LRRCC1: variants seen among roughly 807,000 people sequenced by gnomAD.
LRRCC1 encodes the protein leucine-rich repeat and coiled-coil domain-containing protein 1.
LRRCC1 carries 115 observed loss-of-function variants against 126.0 expected under a neutral mutation model. The ratio of observed to expected loss-of-function variants is 0.91; its 90% CI spans 0.78 to 1.07. The LOEUF (loss-of-function observed/expected upper bound fraction) is 1.07, where lower values mean the gene tolerates loss of function less well. LRRCC1 is among the 50% of genes least tolerant of loss of function. The pLI is 0.00. For missense variants in LRRCC1, 1,172 were observed against 1,175.7 expected (o/e 1.00, Z 0.05); for synonymous variants, 400 against 393.4 (o/e 1.02, Z -0.20).
chr8:85,110,624 A>T (rs1324737257), intron 3 of LRRCC1, among the ~76,000 whole-genome samples: 2 of 152,226 alleles, frequency 1.3e-5, no homozygotes, highest in Non-Finnish European at 2.9e-5. Context: ...AATTTTATTT[A>T]ATTTTAATTT....
rs1808344641 is a variant in LRRCC1, at chr8:85,107,603, C to T, written c.104+204C>T. ...AATGAGCCGTGGATGCCTTCCCGCCCGTGTCTCCTGCCCAGCGTTTCACAC... is the reference window on the plus strand; with the variant it reads ...AATGAGCCGTGGATGCCTTCCCGCCTGTGTCTCCTGCCCAGCGTTTCACAC... On this transcript the variant is annotated intron_variant, in intron 1 of 18. Transcript: ENST00000360375. 1.5e-5 allele frequency: 7 copies of T among 458,708 alleles called. 1 individual carries two copies. The South Asian group carries it at 2.4e-4, about 16-fold the overall frequency. 28.4% of individuals were successfully genotyped at this position (458,708 alleles called of 1,614,324 possible).
chr8:85,125,254 C>T (rs566766226), intron 8 of LRRCC1, among the ~76,000 whole-genome samples: 10 of 152,146 alleles, frequency 6.6e-5, no homozygotes, highest in Admixed American at 4.6e-4. Context: ...AGACCCTTTT[C>T]AGTATCTAAA....
At position 85,115,412 on chromosome 8, in the gene LRRCC1, A is replaced by G; in HGVS notation, c.758A>G (p.Asp253Gly). ...DRMPVITAPI[D>G]ELVPLEQFAS... ...ATGCCAGTGATAACAGCACCTATCG[A>G]TGAGTTAGTTCCCTTGGAACAGTTT... is the stretch of plus-strand genomic sequence containing the variant. Residue 253 changes from aspartate (D) to glycine (G), a missense_variant, in exon 6 of 19, where the codon GAT becomes GGT. By Grantham distance (94) the Asp-to-Gly change is moderately conservative. Coordinates refer to ENST00000360375, the MANE Select transcript of LRRCC1 (RefSeq NM_033402.5). The G allele has an allele frequency of 6.2e-7, 1 of 1,613,830 alleles. No individual in the cohort carries two copies. Among genetic ancestry groups the G allele is most frequent in the Non-Finnish European group, 8.5e-7 (1 of 1,179,780 alleles).
intron 17 of LRRCC1, among the ~76,000 whole-genome samples, chr8:85,139,974 C>T (rs1811151914): frequency 6.6e-6 from 1 of 152,160 alleles, no homozygotes; most frequent in Non-Finnish European, 1.5e-5. Context: ...CAACCAAGTA[C>T]TAATACAAGA....
At chr8:85,112,757 T>G (rs1226344205) in intron 3 of LRRCC1, among the ~76,000 whole-genome samples, 175 bp from the exon 4 acceptor site, 1 of 152,238 alleles carries the variant, frequency 6.6e-6, no homozygotes, top group East Asian at 1.9e-4. Flanking sequence ...AACTTCTGTT[T>G]CTTCAAAGCA....
rs1809740781 is a variant in LRRCC1 at position 85,123,600 on chromosome 8, T to C, written c.1118T>C (p.Phe373Ser). ...CACCACAATAAAAACTACAACTCTT[T>C]TGTAAGGTACTTGTTTTAGTTTTAG... ...IKHHNKNYNSFVSCNRKMKPP... is the reference protein window; with the variant it reads ...IKHHNKNYNSSVSCNRKMKPP... The change falls in exon 7 of 19, where the codon TTT becomes TCT. Residue 373 changes from phenylalanine (F) to serine (S), a missense_variant. Physicochemically the swap from Phe to Ser is radical, Grantham distance 155. Coordinates refer to ENST00000360375, the MANE Select transcript of LRRCC1 (RefSeq NM_033402.5). The C allele has an allele frequency of 1.3e-6, 2 of 1,571,792 alleles. No homozygotes were observed. Among genetic ancestry groups the C allele is most frequent in the Non-Finnish European group, 1.7e-6 (2 of 1,166,342 alleles).
chr8:85,108,053 A>T (rs2135903806), intron 1 of LRRCC1, among the ~76,000 whole-genome samples: 1 of 152,346 alleles, frequency 6.6e-6, no homozygotes, highest in South Asian at 2.1e-4. Context: ...CTCCACCTGC[A>T]TTTCAGGCTC....
Position 85,107,293 on chromosome 8 carries a change from G to C in LRRCC1, c.-3G>C, listed in dbSNP as rs928273730. 1.9e-6 allele frequency: 3 copies of C among 1,611,100 alleles called. No individual in the cohort carries two copies. The highest frequency in any genetic ancestry group is 2.7e-5 in the African/African-American group (2 of 74,910). ...TAAGACCCCGCTCCCCGTCGCCAGT[G>C]CTATGGAGGCGGCGGCGGCGGTGGT... On this transcript the variant is annotated 5_prime_UTR_variant, in exon 1 of 19. Transcript: ENST00000360375.
intron 4 of LRRCC1, 50 bp downstream of exon 4, chr8:85,113,149 T>C: frequency 7.0e-7 from 1 of 1,433,832 alleles, no homozygotes; most frequent in Non-Finnish European, 9.5e-7. Context: ...ATTGAGAGCT[T>C]CTTTATTTTC....
intron 18 of LRRCC1, 23 bp from the exon 19 acceptor site, chr8:85,145,366 G>A: frequency 1.4e-6 from 2 of 1,419,564 alleles, no homozygotes; most frequent in South Asian, 1.6e-5. Flanking sequence ...AAATTAAAAT[G>A]TAAAATTTAC....
chr8:85,121,479 T>C (rs557248056), intron 6 of LRRCC1, among the ~76,000 whole-genome samples: 521 of 152,308 alleles, frequency 3.4e-3, no homozygotes, highest in African/African-American at 0.012. Context: ...TTCATTCTTG[T>C]TGCCCAGGCT....
intron 11 of LRRCC1, 105 bp from the exon 12 acceptor site, chr8:85,131,655 A>G (rs1272090810): frequency 3.6e-6 from 3 of 833,860 alleles, no homozygotes; most frequent in Non-Finnish European, 5.5e-6. Flanking sequence ...CTGATACTGA[A>G]TTAACAATAC....
rs1006231301 is a variant in LRRCC1, at chr8:85,109,869, A to G, written c.310+69A>G. ...ATTTAGGTCCATTTTTTTCCCCAAA[A>G]GAATGGAATAAATATCAGAAACTCT... is the stretch of plus-strand genomic sequence containing the variant. On this transcript the variant is annotated intron_variant, in intron 2 of 18. Coordinates refer to ENST00000360375, the MANE Select transcript of LRRCC1 (RefSeq NM_033402.5). The G allele has an allele frequency of 4.5e-5, 35 of 781,178 alleles. No individual in the cohort carries two copies. The African/African-American group carries it at 5.3e-4, about 12-fold the overall frequency. The allele number at this position is 781,178 out of a possible 1,614,324, so 48.4% of individuals were successfully genotyped here.
In LRRCC1 at chr8:85,129,296, G is replaced by A. The variant is rs1285311023; in HGVS notation, c.1543G>A (p.Glu515Lys). 2.5e-6 allele frequency: 4 copies of A among 1,613,652 alleles called. No individual in the cohort carries two copies. Among genetic ancestry groups the A allele is most frequent in the Non-Finnish European group, 3.4e-6 (4 of 1,179,884 alleles). The change falls in exon 10 of 19, where the codon GAG becomes AAG. Residue 515 changes from glutamate to lysine, a missense_variant. Transcript: ENST00000360375. ...VELMKAKDQQ[E>K]DHLKHLRTLE... is the part of the protein sequence containing the mutation. ...ACTAATGAAAGCAAAAGATCAACAA[G>A]AGGATCACCTTAAACACTTAAGAAC...
At chr8:85,145,117 G>A (rs867001639) in intron 18 of LRRCC1, among the ~76,000 whole-genome samples, 3 of 143,328 alleles carry the variant, frequency 2.1e-5, no homozygotes, top group Non-Finnish European at 4.5e-5. Flanking sequence ...ATATATGTGT[G>A]TATATATATA....
In LRRCC1 at chr8:85,123,468, C is replaced by T. The variant is rs1404548924; in HGVS notation, c.986C>T (p.Thr329Ile). 7 of 1,607,174 alleles carry T rather than the reference C, an allele frequency of 4.4e-6. No individual in the cohort carries two copies. Among genetic ancestry groups the T allele is most frequent in the Non-Finnish European group, 4.2e-6 (5 of 1,178,026 alleles). Reference sequence around the variant, plus strand: ...AAAGACCCCAGACCAAAAAGAGACACAGATATAACTTCTGAAAGTGACTAT... The same window carrying T: ...AAAGACCCCAGACCAAAAAGAGACATAGATATAACTTCTGAAAGTGACTAT... ...LEKDPRPKRD[T>I]DITSESDYGN... The change falls in exon 7 of 19, where the codon ACA becomes ATA. Residue 329 changes from threonine (T) to isoleucine (I), a missense_variant. Coordinates refer to ENST00000360375, the MANE Select transcript of LRRCC1 (RefSeq NM_033402.5).
rs759233358 is a variant in LRRCC1 at position 85,135,938 on chromosome 8, A to AT, written c.2305dup (p.Trp769LeufsTer4). 2.5e-6 allele frequency: 4 copies of AT among 1,589,140 alleles called. No homozygotes were observed. Among genetic ancestry groups the AT allele is most frequent in the Non-Finnish European group, 3.4e-6 (4 of 1,167,660 alleles). On this transcript the variant is annotated frameshift_variant, in exon 14 of 19. Transcript: ENST00000360375. LOFTEE classifies it high-confidence loss of function. ...TTGGTTTAAGGACAGAAAGAAAAGT[A>AT]TGGGGACATGAGCTGGCACAACAAG...
In LRRCC1 at chr8:85,121,740, G is replaced by GT. The variant is rs557682332; in HGVS notation, c.931-1667dup. Among the ~76,000 whole-genome samples the GT allele has an allele frequency of 1.4e-4, 22 of 152,186 alleles. No individual in the cohort carries two copies. The East Asian group carries it at 3.3e-3, about 23-fold the overall frequency. On this transcript the variant is annotated intron_variant, in intron 6 of 18. Transcript: ENST00000360375. ...GAATTCAGTTTTAATTCATATGTTGGTTTTTTAGTCACAATTCTCTAGGTT... is the reference window on the plus strand; with the variant it reads ...GAATTCAGTTTTAATTCATATGTTGGTTTTTTTAGTCACAATTCTCTAGGTT...
chr8:85,136,904 C>T (rs1410222723), intron 14 of LRRCC1, among the ~76,000 whole-genome samples: 1 of 152,030 alleles, frequency 6.6e-6, no homozygotes, highest in Non-Finnish European at 1.5e-5. Flanking sequence ...CGGCTCACTA[C>T]AACTCCACCT....
Sources: gnomAD v4.1 joint callset for allele counts (sites outside exome capture counted in the v4.1 genomes callset) on GRCh38, gnomAD v4.1.1 for gene constraint, MANE v1.5 for transcripts, NCBI Gene and HGNC (gene_info 2026-07-23, HGNC 2026-07-21) for gene names.